The following GUCY1A2 variants were observed in gnomAD, a reference collection of about 807,000 sequenced individuals.
GUCY1A2 encodes the protein guanylate cyclase 1 soluble subunit alpha 2.
GUCY1A2 carries 27 observed loss-of-function variants against 63.5 expected under a neutral mutation model. The observed-to-expected ratio is 0.43, with a 90% CI of 0.31 to 0.59. The LOEUF (loss-of-function observed/expected upper bound fraction) is 0.59. Ranked by LOEUF, GUCY1A2 falls within the 20% of genes least tolerant of loss-of-function variation. GUCY1A2 has a pLI of 0.11. For missense variants in GUCY1A2, 768 were observed against 913.3 expected (o/e 0.84, Z 2.05); for synonymous variants, 364 against 343.5 (o/e 1.06, Z -0.66).
chr11:106,924,909 G>A (rs1359898052), intron 4 of GUCY1A2, among the ~76,000 whole-genome samples: 1 of 152,058 alleles, frequency 6.6e-6, no homozygotes, highest in African/African-American at 2.4e-5. Flanking sequence ...GGAGCCTGAG[G>A]TGGGAGAAAT....
At chr11:106,878,459 A>C (rs77143594) in intron 4 of GUCY1A2, among the ~76,000 whole-genome samples, 5,806 of 152,190 alleles carry the variant, frequency 0.038, 579 homozygotes, top group East Asian at 0.25. Flanking sequence ...AAAAAGAATG[A>C]GATCTTGTCC....
intron 5 of GUCY1A2, among the ~76,000 whole-genome samples, chr11:106,779,102 CCAACAG>C (rs1239300561): frequency 3.9e-5 from 6 of 152,066 alleles, no homozygotes; most frequent in Non-Finnish European, 8.8e-5. Context: ...GCTCATGAGA[CCAACAG>C]TGCAAAACTT....
intron 4 of GUCY1A2, among the ~76,000 whole-genome samples, chr11:106,854,872 C>T (rs1859406550): frequency 6.6e-6 from 1 of 152,112 alleles, no homozygotes; most frequent in Non-Finnish European, 1.5e-5. Flanking sequence ...AGTATCAGTA[C>T]TGGGGGCAGC....
intron 4 of GUCY1A2, among the ~76,000 whole-genome samples, chr11:106,870,469 A>G (rs1021154389): frequency 2.6e-5 from 4 of 152,130 alleles, no homozygotes; most frequent in Admixed American, 1.3e-4. Context: ...AACATAACCA[A>G]TTAACATTAA....
intron 4 of GUCY1A2, among the ~76,000 whole-genome samples, chr11:106,914,806 T>A (rs1361975322): frequency 2.6e-5 from 4 of 152,052 alleles, no homozygotes; most frequent in Non-Finnish European, 5.9e-5. Flanking sequence ...AAAGAGTAAG[T>A]CACAAAGGGA....
At chr11:106,907,254 T>G (rs1440890515) in intron 4 of GUCY1A2, among the ~76,000 whole-genome samples, 19 of 152,028 alleles carry the variant, frequency 1.2e-4, no homozygotes, top group Admixed American at 1.1e-3. Context: ...ACCTATGGCT[T>G]GCCATAGTTG....
At chr11:106,977,927 T>C (rs530437844) in intron 3 of GUCY1A2, among the ~76,000 whole-genome samples, 15 of 151,322 alleles carry the variant, frequency 9.9e-5, no homozygotes, top group Non-Finnish European at 1.5e-4. Context: ...GGAAAAAAAA[T>C]ATTTCTTTTA....
At chr11:106,687,865 A>T in intron 7 of GUCY1A2, 109 bp from the exon 8 acceptor site, 1 of 708,102 alleles carries the variant, frequency 1.4e-6, no homozygotes, top group Non-Finnish European at 2.5e-6. Flanking sequence ...TCATGGTAAT[A>T]CCTCTATTTC....
rs191302065 is a variant in GUCY1A2, at chr11:106,765,646, C to T, written c.1836+10793G>A. ...AGCAAGCCTCCAAAGTAAGCCTTTTCTCCCCTGGGACACCCCATGCATACT... is the reference window on the plus strand; with the variant it reads ...AGCAAGCCTCCAAAGTAAGCCTTTTTTCCCCTGGGACACCCCATGCATACT... On this transcript the variant is annotated intron_variant, in intron 6 of 7. Transcript: ENST00000526355. Among the ~76,000 whole-genome samples, 145 of 152,242 alleles carry T rather than the reference C, an allele frequency of 9.5e-4. 1 individual carries two copies. The highest frequency in any genetic ancestry group is 3.3e-3 in the African/African-American group (139 of 41,574).
rs1011509297 is a variant in GUCY1A2 at position 106,733,222 on chromosome 11, T to A, written c.1837-24556A>T. ...TAGGAGTTTTATTTTTTTAAATGAA[T>A]CTTTTTTAGTTAGATGTACTTTTTA... On this transcript the variant is annotated intron_variant, in intron 6 of 7. Coordinates refer to ENST00000526355, the MANE Select transcript of GUCY1A2 (RefSeq NM_000855.3). 2.6e-5 allele frequency among the ~76,000 whole-genome samples: 4 copies of A among 152,294 alleles called. No individual in the cohort carries two copies. The South Asian group carries it at 8.3e-4, about 32-fold the overall frequency.
At chr11:106,797,976 G>A (rs1034385662) in intron 5 of GUCY1A2, among the ~76,000 whole-genome samples, 1 of 152,064 alleles carries the variant, frequency 6.6e-6, no homozygotes, top group African/African-American at 2.4e-5. Flanking sequence ...ATGAATCCAG[G>A]AGCTGGTTTT....
chr11:106,872,256 C>A (rs1211102397), intron 4 of GUCY1A2, among the ~76,000 whole-genome samples: 1 of 152,134 alleles, frequency 6.6e-6, no homozygotes, highest in African/African-American at 2.4e-5. Flanking sequence ...TCTTGGAAAA[C>A]TAATCTATGG....
intron 3 of GUCY1A2, among the ~76,000 whole-genome samples, chr11:106,950,767 C>T (rs772073585): frequency 2.0e-5 from 3 of 152,256 alleles, no homozygotes; most frequent in Non-Finnish European, 4.4e-5. Flanking sequence ...TTAATGGTCA[C>T]TTTTTTAAAT....
intron 6 of GUCY1A2, among the ~76,000 whole-genome samples, chr11:106,761,299 C>T (rs901448789): frequency 9.2e-5 from 14 of 152,240 alleles, no homozygotes; most frequent in East Asian, 5.8e-4. Context: ...TAGTTATTCA[C>T]AACCAAATTT....
At chr11:106,864,662 AT>A (rs1464375372) in intron 4 of GUCY1A2, among the ~76,000 whole-genome samples, 2 of 152,102 alleles carry the variant, frequency 1.3e-5, no homozygotes, top group Non-Finnish European at 2.9e-5. Context: ...TTCTGCATCT[AT>A]TGAGATAATC....
chr11:106,686,880 C>G lies in GUCY1A2; in HGVS notation c.*669G>C, dbSNP rs1862535004. On this transcript the variant is annotated 3_prime_UTR_variant, in exon 8 of 8. Coordinates refer to ENST00000526355, the MANE Select transcript of GUCY1A2 (RefSeq NM_000855.3). The stretch of plus-strand genomic sequence containing the variant: ...TGGTTATATGTATTCTCAGTCGAAG[C>G]ACTGATCTCTCTAAATAAGGGAAAC... The G allele has an allele frequency of 5.1e-6, 1 of 196,576 alleles. No individual in the cohort carries two copies. 12.2% of individuals were successfully genotyped at this position (196,576 alleles called of 1,614,324 possible). A position where few individuals can be genotyped will look rare whatever the true frequency, so the allele number is the denominator to read the frequency against.
intron 4 of GUCY1A2, chr11:106,826,840 T>C (rs1858977918): frequency 6.2e-7 from 1 of 1,607,446 alleles, no homozygotes; most frequent in East Asian, 2.2e-5. Context: ...AGCATAGATA[T>C]CAGGAAGGGA....
intron 6 of GUCY1A2, among the ~76,000 whole-genome samples, chr11:106,726,215 G>T (rs1863405064): frequency 6.6e-6 from 1 of 152,078 alleles, no homozygotes; most frequent in Admixed American, 6.5e-5. Flanking sequence ...AGGAGTTTGA[G>T]ACCAGCCTGA....
Position 106,677,225 on chromosome 11 carries a change from T to G in GUCY1A2, c.*10324A>C, listed in dbSNP as rs1862361896. ...GAAGGAAGGAAGATAGGAAGATAAT[T>G]CAATGGAAAAAAGAGGAGCTAAGCA... On this transcript the variant is annotated 3_prime_UTR_variant, in exon 8 of 8. Coordinates refer to ENST00000526355, the MANE Select transcript of GUCY1A2 (RefSeq NM_000855.3). 4.5e-6 allele frequency: 1 copy of G among 220,646 alleles called. No individual in the cohort carries two copies. Among genetic ancestry groups the G allele is most frequent in the Non-Finnish European group, 9.1e-6 (1 of 109,710 alleles). 13.7% of individuals were successfully genotyped at this position (220,646 alleles called of 1,614,324 possible).
Sources: gnomAD v4.1 joint callset for allele counts (sites outside exome capture counted in the v4.1 genomes callset) on GRCh38, gnomAD v4.1.1 for gene constraint, MANE v1.5 for transcripts, NCBI Gene and HGNC (gene_info 2026-07-23, HGNC 2026-07-21) for gene names.